DCPH1: variants seen among roughly 807,000 people sequenced by gnomAD.
DCPH1 encodes the protein damage-control phosphatase 1.
the DCPH1 span, among the ~76,000 whole-genome samples, chr6:151,466,827 G>A: frequency 2.6e-5 from 4 of 152,180 alleles, no homozygotes; most frequent in Non-Finnish European, 5.9e-5. Context: ...GCTCTCAGTC[G>A]CTGAAGGCCA....
At chr6:151,462,311 C>A in the DCPH1 span, among the ~76,000 whole-genome samples, 146 of 152,276 alleles carry the variant, frequency 9.6e-4, 1 homozygote, top group Non-Finnish European at 1.9e-3. Context: ...ACCTTACAGA[C>A]CCCAAAAGTC....
the DCPH1 span, among the ~76,000 whole-genome samples, chr6:151,455,075 A>G: frequency 6.6e-6 from 1 of 152,316 alleles, no homozygotes; most frequent in Admixed American, 6.5e-5. Context: ...AAGCTCAGTG[A>G]TATGAATTAT....
the DCPH1 span, chr6:151,458,288 A>T: frequency 6.3e-7 from 1 of 1,578,854 alleles, no homozygotes; most frequent in Non-Finnish European, 8.6e-7. Context: ...TTGCACAGAC[A>T]CACACACACA....
the DCPH1 span, chr6:151,468,783 T>C: frequency 6.2e-7 from 1 of 1,613,896 alleles, no homozygotes; most frequent in Non-Finnish European, 8.5e-7. Context: ...ACCACAATCA[T>C]ATATTTTGGA....
At chr6:151,455,124 A>G in the DCPH1 span, among the ~76,000 whole-genome samples, 2 of 152,242 alleles carry the variant, frequency 1.3e-5, no homozygotes, top group Non-Finnish European at 2.9e-5. Flanking sequence ...GTTGGGACTC[A>G]TTAGCATTCA....
the DCPH1 span, chr6:151,468,227 A>C: frequency 4.6e-6 from 3 of 654,016 alleles, no homozygotes; most frequent in Non-Finnish European, 7.8e-6. Context: ...TGGTCATGTA[A>C]AGAGTTTTGT....
chr6:151,469,273 C>T, the DCPH1 span: 5 of 547,124 alleles, frequency 9.1e-6, no homozygotes, highest in Non-Finnish European at 1.6e-5. Context: ...TTCTTTTGAA[C>T]ATTTTGCCCC....
chr6:151,468,700 C>T, the DCPH1 span: 2 of 1,614,020 alleles, frequency 1.2e-6, no homozygotes, highest in Non-Finnish European at 1.7e-6. Flanking sequence ...ACAGGTAAAA[C>T]ACAGTAATCA....
the DCPH1 span, chr6:151,454,409 G>A: frequency 1.7e-6 from 1 of 573,952 alleles, no homozygotes. Context: ...TCTTAATATA[G>A]TAATCATACA....
the DCPH1 span, among the ~76,000 whole-genome samples, chr6:151,457,720 C>T: frequency 2.0e-5 from 3 of 151,782 alleles, no homozygotes; most frequent in African/African-American, 7.3e-5. Flanking sequence ...TTATTCTCTA[C>T]ATTTTATTAT....
chr6:151,461,008 AG>A, the DCPH1 span, among the ~76,000 whole-genome samples: 1 of 152,200 alleles, frequency 6.6e-6, no homozygotes, highest in Non-Finnish European at 1.5e-5. Flanking sequence ...CATGGCTAGT[AG>A]GTGGTGGAAC....
At chr6:151,458,572 G>A in the DCPH1 span, 1 of 1,600,914 alleles carries the variant, frequency 6.2e-7, no homozygotes. Context: ...ATTATCCAGA[G>A]GTACGTGTGT....
At chr6:151,454,563 T>TA in the DCPH1 span, 7 of 1,504,158 alleles carry the variant, frequency 4.7e-6, no homozygotes, top group Non-Finnish European at 6.5e-6. Flanking sequence ...TTGCATATCT[T>TA]ACAATTAAAG....
the DCPH1 span, among the ~76,000 whole-genome samples, chr6:151,453,965 G>C: frequency 6.6e-6 from 1 of 152,084 alleles, no homozygotes; most frequent in Non-Finnish European, 1.5e-5. Context: ...ATTTGCTTAG[G>C]GGCAGAATAG....
chr6:151,468,561 T>C, the DCPH1 span: 1 of 1,614,096 alleles, frequency 6.2e-7, no homozygotes, highest in African/African-American at 1.3e-5. Flanking sequence ...GATTTGAGCT[T>C]GTTACAGATT....
chr6:151,454,697 A>G, the DCPH1 span: 264 of 954,812 alleles, frequency 2.8e-4, 1 homozygote, highest in Middle Eastern at 2.6e-4. Context: ...ATTTCTCAAC[A>G]GAAACATAAT....
At chr6:151,455,767 C>G in the DCPH1 span, among the ~76,000 whole-genome samples, 27 of 152,224 alleles carry the variant, frequency 1.8e-4, no homozygotes, top group East Asian at 4.6e-3. Flanking sequence ...TTACGGGTGT[C>G]GGGCTGGGGG....
At chr6:151,468,194 T>C in the DCPH1 span, 1 of 552,834 alleles carries the variant, frequency 1.8e-6, no homozygotes, top group Non-Finnish European at 3.1e-6. Context: ...TTTTGTGCAT[T>C]GTTAGAGAAA....
chr6:151,460,961 A>C, the DCPH1 span, among the ~76,000 whole-genome samples: 4 of 152,144 alleles, frequency 2.6e-5, no homozygotes, highest in Non-Finnish European at 5.9e-5. Flanking sequence ...AGTTTAGGTG[A>C]TTGGGCTCAG....
Sources: allele counts gnomAD v4.1 joint callset (sites outside exome capture counted in the v4.1 genomes callset), GRCh38; gene constraint gnomAD v4.1.1; transcripts MANE v1.5; gene names NCBI Gene and HGNC (gene_info 2026-07-23, HGNC 2026-07-21).